The following SLC2A14 variants were observed in gnomAD, a reference collection of about 807,000 sequenced individuals.
SLC2A14 encodes solute carrier family 2 member 14.
A neutral mutation model predicts 43.0 loss-of-function variants in SLC2A14; 13 were observed. The ratio of observed to expected loss-of-function variants is 0.30; its 90% CI spans 0.20 to 0.48. The LOEUF is 0.48. Ranked by LOEUF, SLC2A14 falls within the 20% of genes least tolerant of loss-of-function variation. The pLI is 0.99. For synonymous variants in SLC2A14, 190 were observed against 233.8 expected (o/e 0.81, Z 1.71); for missense variants, 428 against 620.4 (o/e 0.69, Z 3.29).
At chr12:7,825,766 C>CCAAA (rs1487045781) in intron 7 of SLC2A14, among the ~76,000 whole-genome samples, 1 of 121,264 alleles carries the variant, frequency 8.2e-6, no homozygotes, top group Non-Finnish European at 1.6e-5. Flanking sequence ...CTCTGTCTCA[C>CCAAA]AAAAAAAAAA....
At chr12:7,871,818 G>T in intron 1 of SLC2A14, 2 of 759,040 alleles carry the variant, frequency 2.6e-6, no homozygotes, top group Non-Finnish European at 1.6e-6. Context: ...CCTCTCAGAG[G>T]ACAGGACACT....
At chr12:7,869,736 C>T (rs1381311688) in intron 2 of SLC2A14, 127 bp downstream of exon 2, 1 of 595,300 alleles carries the variant, frequency 1.7e-6, no homozygotes, top group African/African-American at 1.9e-5. Flanking sequence ...AACAGTCTCT[C>T]CCACCACCAC....
intron 7 of SLC2A14, among the ~76,000 whole-genome samples, chr12:7,824,557 A>G (rs1057453343): frequency 2.6e-5 from 4 of 151,548 alleles, no homozygotes; most frequent in African/African-American, 9.7e-5. Context: ...AACCTGGAAA[A>G]ACCCTGTCTC....
intron 2 of SLC2A14, chr12:7,860,752 G>A (rs1007365722): frequency 6.6e-6 from 1 of 152,446 alleles, no homozygotes; most frequent in African/African-American, 2.4e-5. Context: ...TCAGTATTGA[G>A]TCAGGAATTG....
chr12:7,875,425 A>G (rs1044448365), upstream of SLC2A14, among the ~76,000 whole-genome samples: 1 of 150,772 alleles, frequency 6.6e-6, no homozygotes, highest in East Asian at 1.9e-4. Flanking sequence ...TGAAAATTGC[A>G]TGAATCCGGG....
At chr12:7,880,139 T>C (rs748784700) in intron 1 of SLC2A14, among the ~76,000 whole-genome samples, 46 of 150,784 alleles carry the variant, frequency 3.1e-4, no homozygotes, top group African/African-American at 1.0e-3. Context: ...CCATCTCTAC[T>C]AAAAATACAA....
chr12:7,845,811 G>T (rs1866422979), intron 2 of SLC2A14, among the ~76,000 whole-genome samples: 1 of 149,766 alleles, frequency 6.7e-6, no homozygotes, highest in Non-Finnish European at 1.5e-5. Flanking sequence ...CAAACTCAAG[G>T]CCAGGCGTGG....
At chr12:7,845,778 CAAAAAAAAA>C (rs35933580) in intron 2 of SLC2A14, among the ~76,000 whole-genome samples, 1 of 104,144 alleles carries the variant, frequency 9.6e-6, no homozygotes, top group African/African-American at 3.9e-5. Context: ...GACTCCATCT[CAAAAAAAAA>C]AAAAAAAGAA....
Position 7,813,645 on chromosome 12 carries a change from C to T in SLC2A14, c.*671G>A, listed in dbSNP as rs1367103317. ...GGTAATGTACAGACCTCAGGCACCA[C>T]ATCATTTACCCTCCAATAATGAACA... On this transcript the variant is annotated 3_prime_UTR_variant, in exon 11 of 11. Coordinates refer to ENST00000431042, the MANE Select transcript of SLC2A14 (RefSeq NM_001286234.2). 1 of 152,704 alleles carries T rather than the reference C, an allele frequency of 6.5e-6. No individual in the cohort carries two copies. The highest frequency in any genetic ancestry group is 1.5e-5 in the Non-Finnish European group (1 of 68,436). 9.5% of individuals were successfully genotyped at this position (152,704 alleles called of 1,614,324 possible).
intron 1 of SLC2A14, chr12:7,870,991 T>C (rs755291476): frequency 2.1e-6 from 3 of 1,437,002 alleles, no homozygotes; most frequent in African/African-American, 2.9e-5. Context: ...ACCAGAACCA[T>C]GATGGCTTCA....
intron 2 of SLC2A14, among the ~76,000 whole-genome samples, chr12:7,836,588 G>C (rs1194899132): frequency 1.3e-5 from 2 of 152,088 alleles, no homozygotes. Flanking sequence ...CCAGCACTTT[G>C]GGAGGCTGAG....
chr12:7,874,799 A>ATGTATATAAAAATG (rs200733431), upstream of SLC2A14, among the ~76,000 whole-genome samples: 1 of 100,346 alleles, frequency 1.0e-5, no homozygotes, highest in African/African-American at 4.5e-5. Flanking sequence ...ATATATAAAT[A>ATGTATATAAAAATG]ATATATAAAT....
intron 1 of SLC2A14, among the ~76,000 whole-genome samples, chr12:7,888,338 A>G (rs1264200041): frequency 6.6e-6 from 1 of 152,174 alleles, no homozygotes; most frequent in East Asian, 1.9e-4. Context: ...TTTAAAAAGC[A>G]TAATCATTTT....
At chr12:7,828,408 G>T (rs983037080) in intron 6 of SLC2A14, among the ~76,000 whole-genome samples, 36 of 151,568 alleles carry the variant, frequency 2.4e-4, no homozygotes, top group Non-Finnish European at 1.5e-5. Flanking sequence ...GTGGTGTGGT[G>T]GTGGTGGCAC....
chr12:7,854,062 A>G (rs747893876), intron 2 of SLC2A14, among the ~76,000 whole-genome samples: 4 of 152,112 alleles, frequency 2.6e-5, no homozygotes, highest in Non-Finnish European at 5.9e-5. Context: ...TCCAGAGTCA[A>G]TATCACTTGA....
chr12:7,880,256 C>T (rs1025208216), intron 1 of SLC2A14, among the ~76,000 whole-genome samples: 1 of 151,912 alleles, frequency 6.6e-6, no homozygotes, highest in East Asian at 1.9e-4. Context: ...GCCGAGATCG[C>T]GCCATTGCAC....
chr12:7,857,449 G>A (rs977740684), intron 2 of SLC2A14, among the ~76,000 whole-genome samples: 1 of 151,666 alleles, frequency 6.6e-6, no homozygotes, highest in African/African-American at 2.4e-5. Flanking sequence ...TTACCCGAGC[G>A]CAGTGGTGCA....
intron 1 of SLC2A14, among the ~76,000 whole-genome samples, chr12:7,883,573 CT>C (rs1304494724): frequency 8.9e-6 from 1 of 112,182 alleles, no homozygotes; most frequent in African/African-American, 3.5e-5. Flanking sequence ...GCCTCTTTTT[CT>C]TTTTCTTTTT....
At chr12:7,868,044 A>G (rs1052398487) in intron 2 of SLC2A14, among the ~76,000 whole-genome samples, 2 of 152,168 alleles carry the variant, frequency 1.3e-5, no homozygotes, top group African/African-American at 4.8e-5. Context: ...ACAGCATCAC[A>G]TGCTACAGAG....
Sources: gnomAD v4.1 joint callset for allele counts (sites outside exome capture counted in the v4.1 genomes callset) on GRCh38, gnomAD v4.1.1 for gene constraint, MANE v1.5 for transcripts, NCBI Gene and HGNC (gene_info 2026-07-23, HGNC 2026-07-21) for gene names.